The following NCAM2 variants were observed in gnomAD, a reference collection of about 807,000 sequenced individuals.
NCAM2 encodes the protein N-CAM-2.
In NCAM2, 30 loss-of-function variants were observed where a neutral mutation model predicts 98.1. The ratio of observed to expected loss-of-function variants is 0.31; its 90% CI spans 0.23 to 0.41. The LOEUF (loss-of-function observed/expected upper bound fraction) is 0.41, where lower values mean the gene tolerates loss of function less well. Among genes scored for constraint, NCAM2 ranks in the 10% least tolerant of loss-of-function variants. The probability of loss-of-function intolerance (pLI) is 1.00; values close to 1 mark genes in which losing one functional copy is unlikely to be tolerated. For missense variants in NCAM2, 867 were observed against 1,005.8 expected (o/e 0.86, Z 1.87); for synonymous variants, 368 against 342.4 (o/e 1.07, Z -0.83).
At chr21:21,175,196 T>C (rs769271195) in intron 1 of NCAM2, among the ~76,000 whole-genome samples, 12 of 151,958 alleles carry the variant, frequency 7.9e-5, no homozygotes, top group Non-Finnish European at 1.6e-4. Context: ...AATTCAGTAA[T>C]CCGGGGTCAG....
intron 12 of NCAM2, among the ~76,000 whole-genome samples, chr21:21,444,802 T>C (rs1190156214): frequency 6.6e-6 from 1 of 152,160 alleles, no homozygotes; most frequent in Non-Finnish European, 1.5e-5. Context: ...TTCATTGATT[T>C]TTTGGAGTGT....
chr21:21,351,117 CAAAA>C (rs61586915), intron 8 of NCAM2, among the ~76,000 whole-genome samples: 9 of 83,704 alleles, frequency 1.1e-4, no homozygotes, highest in East Asian at 3.8e-4. Flanking sequence ...GACTCTGTCT[CAAAA>C]AAAAAAAAAA....
chr21:21,264,192 A>G (rs2072033353), intron 1 of NCAM2, among the ~76,000 whole-genome samples: 2 of 152,244 alleles, frequency 1.3e-5, no homozygotes, highest in East Asian at 1.9e-4. Flanking sequence ...CAGGAAATGA[A>G]CAGATACCTC....
chr21:21,105,850 C>A (rs985275383), intron 1 of NCAM2, among the ~76,000 whole-genome samples: 10 of 152,224 alleles, frequency 6.6e-5, no homozygotes, highest in Middle Eastern at 3.4e-3. Context: ...AATGAACACT[C>A]ATTGTTCATT....
intron 10 of NCAM2, among the ~76,000 whole-genome samples, chr21:21,415,891 A>G (rs2076985190): frequency 6.6e-6 from 1 of 152,194 alleles, no homozygotes; most frequent in African/African-American, 2.4e-5. Context: ...CCAGGCCAAC[A>G]AAATATTTCT....
At chr21:21,509,833 C>A (rs1320748543) in intron 16 of NCAM2, among the ~76,000 whole-genome samples, 1 of 152,094 alleles carries the variant, frequency 6.6e-6, no homozygotes, top group East Asian at 1.9e-4. Context: ...CACAGGAAAT[C>A]ATACACAAAC....
intron 14 of NCAM2, among the ~76,000 whole-genome samples, chr21:21,474,828 A>G (rs898492694): frequency 6.6e-6 from 1 of 151,966 alleles, no homozygotes; most frequent in Admixed American, 6.6e-5. Flanking sequence ...CTACATGTAT[A>G]TATGTGCATA....
intron 16 of NCAM2, among the ~76,000 whole-genome samples, chr21:21,514,665 C>T (rs1988610021): frequency 6.6e-6 from 1 of 151,956 alleles, no homozygotes; most frequent in Non-Finnish European, 1.5e-5. Flanking sequence ...TACAATATAC[C>T]TGAGTTAGGA....
At chr21:21,503,817 C>CTTT (rs1214066244) in intron 15 of NCAM2, among the ~76,000 whole-genome samples, 3 of 151,764 alleles carry the variant, frequency 2.0e-5, no homozygotes, top group Non-Finnish European at 4.4e-5. Context: ...CTCACAGTTG[C>CTTT]TTTTAATAGT....
intron 10 of NCAM2, among the ~76,000 whole-genome samples, chr21:21,411,328 A>G (rs2076883778): frequency 6.7e-6 from 1 of 149,916 alleles, no homozygotes; most frequent in African/African-American, 2.4e-5. Context: ...TCCATGTGGT[A>G]TAGCTTTTTT....
chr21:21,353,280 C>T (rs1258762198), intron 8 of NCAM2, among the ~76,000 whole-genome samples: 1 of 152,186 alleles, frequency 6.6e-6, no homozygotes, highest in Non-Finnish European at 1.5e-5. Context: ...TAAAAAATGA[C>T]TGAGTCTTCT....
chr21:21,494,929 C>T (rs1159140992), intron 15 of NCAM2, among the ~76,000 whole-genome samples: 3 of 151,396 alleles, frequency 2.0e-5, no homozygotes, highest in African/African-American at 7.3e-5. Context: ...ATAAGCACAG[C>T]TCAGTTTCTT....
At chr21:21,386,852 CAT>C (rs1282566737) in intron 9 of NCAM2, among the ~76,000 whole-genome samples, 1 of 152,014 alleles carries the variant, frequency 6.6e-6, no homozygotes. Flanking sequence ...TAAATAAAAA[CAT>C]ATTTTGTAAC....
chr21:21,201,922 C>T (rs1426257508), intron 1 of NCAM2, among the ~76,000 whole-genome samples: 1 of 151,986 alleles, frequency 6.6e-6, no homozygotes, highest in Non-Finnish European at 1.5e-5. Flanking sequence ...GTCTCAAAAT[C>T]ATGTTAAAAA....
chr21:21,063,555 T>C (rs961785694), intron 1 of NCAM2, among the ~76,000 whole-genome samples: 2 of 151,886 alleles, frequency 1.3e-5, no homozygotes, highest in Non-Finnish European at 2.9e-5. Flanking sequence ...AAATGTATAA[T>C]GGGGAAGATT....
chr21:21,416,537 G>A (rs566471193), intron 10 of NCAM2, among the ~76,000 whole-genome samples: 1 of 150,306 alleles, frequency 6.7e-6, no homozygotes, highest in South Asian at 2.1e-4. Context: ...TATCTTTCAA[G>A]CATGGCAAAG....
intron 1 of NCAM2, among the ~76,000 whole-genome samples, chr21:21,232,718 T>A (rs1267645170): frequency 6.6e-6 from 1 of 151,722 alleles, no homozygotes; most frequent in East Asian, 1.9e-4. Flanking sequence ...TTCAAAATAT[T>A]TTAGCTTTTA....
chr21:21,513,081 C>T (rs149843610), intron 16 of NCAM2, among the ~76,000 whole-genome samples: 2 of 152,116 alleles, frequency 1.3e-5, no homozygotes, highest in African/African-American at 4.8e-5. Context: ...ATTTCTTTAT[C>T]TTTCTTAATT....
intron 1 of NCAM2, among the ~76,000 whole-genome samples, chr21:21,245,307 T>G (rs2071221762): frequency 6.6e-6 from 1 of 152,210 alleles, no homozygotes; most frequent in Non-Finnish European, 1.5e-5. Context: ...CCCTTGTAAT[T>G]CCACAAACTT....
Sources: gnomAD v4.1 joint callset for allele counts (sites outside exome capture counted in the v4.1 genomes callset) on GRCh38, gnomAD v4.1.1 for gene constraint, MANE v1.5 for transcripts, NCBI Gene and HGNC (gene_info 2026-07-23, HGNC 2026-07-21) for gene names.